TXNRD3: variants seen among roughly 807,000 people sequenced by gnomAD.
The protein encoded by TXNRD3 is TXNRD3 neighbor gene protein.
In TXNRD3, 68 loss-of-function variants were observed where a neutral mutation model predicts 78.2. The ratio of observed to expected loss-of-function variants is 0.87; its 90% CI spans 0.72 to 1.06. TXNRD3 has a LOEUF of 1.06. TXNRD3 is among the 50% of genes least tolerant of loss of function. The pLI is 0.00. For synonymous variants in TXNRD3, 296 were observed against 300.1 expected, an observed-to-expected ratio of 0.99 and a Z score of 0.14; for missense variants, 751 against 809.5, an observed-to-expected ratio of 0.93 and a Z score of 0.88.
chr3:126,629,524 TAC>T, intron 9 of TXNRD3, 53 bp from the exon 10 acceptor site: 1 of 1,373,674 alleles, frequency 7.3e-7, no homozygotes, highest in Non-Finnish European at 1.0e-6. Flanking sequence ...AAAAAAGAAA[TAC>T]ACGAAAGGGT....
intron 2 of TXNRD3, 33 bp downstream of exon 2, chr3:126,647,203 T>C: frequency 2.1e-6 from 3 of 1,459,470 alleles, no homozygotes; most frequent in Admixed American, 2.1e-5. Context: ...GCATTTATTA[T>C]AAACAACACT....
At chr3:126,615,098 C>G (rs992304333) in intron 13 of TXNRD3, among the ~76,000 whole-genome samples, 29 of 152,172 alleles carry the variant, frequency 1.9e-4, no homozygotes, top group Non-Finnish European at 4.3e-4. Context: ...TACAAGTTTG[C>G]TCAAATAGAT....
In TXNRD3 at chr3:126,621,779, A is replaced by G; in HGVS notation, c.1487T>C (p.Leu496Pro). 2.6e-6 allele frequency: 4 copies of G among 1,529,876 alleles called. No individual in the cohort carries two copies. Among genetic ancestry groups the G allele is most frequent in the Non-Finnish European group, 3.5e-6 (4 of 1,145,224 alleles). The allele number at this position is 1,529,876 out of a possible 1,614,324, so 94.8% of individuals were successfully genotyped here. A position where few individuals can be genotyped will look rare whatever the true frequency, so the allele number is the denominator to read the frequency against. ...GGCCCCAAAAAGTCTCTGAGCTAGC[A>G]GCTTGCCTGACTGTATGGCGACAGG... The change falls in exon 12 of 16, where the codon CTG becomes CCG. Residue 496 changes from leucine (L) to proline (P), a missense_variant. Leu to Pro is a moderately conservative substitution (Grantham distance 98, BLOSUM62 -3). Transcript: ENST00000524230.
chr3:126,616,886 C>T (rs541006864), intron 12 of TXNRD3, among the ~76,000 whole-genome samples: 10 of 152,318 alleles, frequency 6.6e-5, no homozygotes, highest in African/African-American at 2.2e-4. Context: ...TGCCTACCTG[C>T]AAACCATGGG....
chr3:126,634,986 A>G (rs145818854), intron 6 of TXNRD3, among the ~76,000 whole-genome samples: 3 of 152,296 alleles, frequency 2.0e-5, no homozygotes, highest in Non-Finnish European at 4.4e-5. Context: ...TATGATGCCA[A>G]TGTACCAGTC....
At chr3:126,636,934 T>G (rs1052047180) in intron 6 of TXNRD3, among the ~76,000 whole-genome samples, 11 of 152,046 alleles carry the variant, frequency 7.2e-5, no homozygotes, top group African/African-American at 2.7e-4. Context: ...GATTTTTTTT[T>G]TTTTTTAGCT....
rs1052942899 is a variant in TXNRD3 at position 126,645,974 on chromosome 3, T to A, written c.414+137A>T. 13 of 648,224 alleles carry A rather than the reference T, an allele frequency of 2.0e-5. No individual in the cohort carries two copies. The African/African-American group carries it at 2.3e-4, about 11-fold the overall frequency. The allele number at this position is 648,224 out of a possible 1,614,324, so 40.2% of individuals were successfully genotyped here. The stretch of plus-strand genomic sequence containing the variant: ...ATTTCCCTTAAAGCAATCAGTATTA[T>A]CTGATAATTATCCTATATGCTTCAT... On this transcript the variant is annotated intron_variant, in intron 3 of 15. Coordinates refer to ENST00000524230, the MANE Select transcript of TXNRD3 (RefSeq NM_052883.3).
chr3:126,622,225 T>C (rs1938474549), intron 11 of TXNRD3, among the ~76,000 whole-genome samples: 1 of 152,204 alleles, frequency 6.6e-6, no homozygotes, highest in Non-Finnish European at 1.5e-5. Context: ...AGACATTAGG[T>C]AAATATATCT....
intron 13 of TXNRD3, among the ~76,000 whole-genome samples, chr3:126,611,779 G>A (rs1938203348): frequency 6.6e-6 from 1 of 152,140 alleles, no homozygotes; most frequent in Non-Finnish European, 1.5e-5. Flanking sequence ...CAAACAGGCA[G>A]TTAATGCTGA....
At chr3:126,648,861 T>C (rs759258281) in intron 1 of TXNRD3, among the ~76,000 whole-genome samples, 6 of 152,110 alleles carry the variant, frequency 3.9e-5, no homozygotes, top group South Asian at 2.1e-4. Context: ...TCACAAAAAT[T>C]TGAAACTCTT....
At position 126,647,279 on chromosome 3, in the gene TXNRD3, A is replaced by G. The variant is rs563440720; in HGVS notation, c.261T>C (p.Ser87=). The stretch of plus-strand genomic sequence containing the variant: ...AGACATTACATTCGACTCCCAAAGA[A>G]GAAAAGAGTTCTTTCACCTGTAAAA... The change falls in exon 2 of 16, where the codon TCT becomes TCC. Residue 87 remains serine (S), a synonymous_variant. Coordinates refer to ENST00000524230, the MANE Select transcript of TXNRD3 (RefSeq NM_052883.3). The G allele has an allele frequency of 2.8e-4, 434 of 1,535,734 alleles. No individual in the cohort carries two copies. The highest frequency in any genetic ancestry group is 2.2e-3 in the African/African-American group (163 of 73,164).
chr3:126,650,632 C>T (rs188286991), intron 1 of TXNRD3, among the ~76,000 whole-genome samples: 3 of 151,618 alleles, frequency 2.0e-5, no homozygotes, highest in African/African-American at 7.3e-5. Context: ...CAGAGCAAGA[C>T]CCCATCTCAG....
Position 126,634,067 on chromosome 3 carries a change from C to A in TXNRD3, c.713-16G>T. On this transcript the variant is annotated splice_polypyrimidine_tract_variant and intron_variant, in intron 6 of 15. Coordinates refer to ENST00000524230, the MANE Select transcript of TXNRD3 (RefSeq NM_052883.3). Reference sequence around the variant, plus strand: ...TTGTGCCTCACTAAGAAGAAATAATCAGGGTGAAGATGTTAGGTGAATTTT... The same window carrying A: ...TTGTGCCTCACTAAGAAGAAATAATAAGGGTGAAGATGTTAGGTGAATTTT... 6.7e-7 allele frequency: 1 copy of A among 1,488,022 alleles called. No homozygotes were observed. The highest frequency in any genetic ancestry group is 8.9e-7 in the Non-Finnish European group (1 of 1,122,698). 92.2% of individuals were successfully genotyped at this position (1,488,022 alleles called of 1,614,324 possible).
chr3:126,626,105 GA>G (rs1474159269), intron 10 of TXNRD3: 3 of 152,076 alleles, frequency 2.0e-5, no homozygotes, highest in African/African-American at 4.8e-5. Flanking sequence ...TAATTAAAAT[GA>G]ATTCTAATTA....
chr3:126,631,358 G>A lies in TXNRD3; in HGVS notation c.971+406C>T, dbSNP rs141341881. Reference sequence around the variant, plus strand: ...TTGCAAGTCATTACACACATGTCCTGTTTGACCACTAAGGAATATTCCCAT... The same window carrying A: ...TTGCAAGTCATTACACACATGTCCTATTTGACCACTAAGGAATATTCCCAT... On this transcript the variant is annotated intron_variant, in intron 8 of 15. Coordinates refer to ENST00000524230, the MANE Select transcript of TXNRD3 (RefSeq NM_052883.3). 7.9e-5 allele frequency among the ~76,000 whole-genome samples: 12 copies of A among 152,178 alleles called. No homozygotes were observed. The South Asian group carries it at 2.5e-3, about 32-fold the overall frequency.
chr3:126,630,681 A>G (rs115739930), intron 9 of TXNRD3, 31 bp downstream of exon 9: 23,924 of 1,520,038 alleles, frequency 0.016, 238 homozygotes, highest in Middle Eastern at 0.027. Flanking sequence ...AAAGTTAGAG[A>G]AAAAAAATTG....
In TXNRD3 at chr3:126,621,739, T is replaced by C. The variant is rs186273426; in HGVS notation, c.1524+3A>G. On this transcript the variant is annotated splice_donor_region_variant and intron_variant, in intron 12 of 15. Transcript: ENST00000524230. The stretch of plus-strand genomic sequence containing the variant: ...ATTATCTCAAAAACAGTAAGAAACT[T>C]ACCTTTTCTAAAGAGGCCCCAAAAA... 3 of 1,498,368 alleles carry C rather than the reference T, an allele frequency of 2.0e-6. No individual in the cohort carries two copies. In the Admixed American group the frequency reaches 7.5e-5, roughly 37 times the overall value. The allele number at this position is 1,498,368 out of a possible 1,614,324, so 92.8% of individuals were successfully genotyped here.
chr3:126,628,911 T>C (rs755323574), intron 10 of TXNRD3, among the ~76,000 whole-genome samples: 79 of 152,244 alleles, frequency 5.2e-4, no homozygotes, highest in Non-Finnish European at 9.6e-4. Flanking sequence ...AAAACATAAA[T>C]GTATAGTTTC....
At chr3:126,622,655 C>G in intron 10 of TXNRD3, 115 bp from the exon 11 acceptor site, 1 of 752,184 alleles carries the variant, frequency 1.3e-6, no homozygotes, top group Middle Eastern at 2.7e-4. Flanking sequence ...TACAAACAAT[C>G]TATGCCAATA....
Sources: gnomAD v4.1 joint callset for allele counts (sites outside exome capture counted in the v4.1 genomes callset) on GRCh38, gnomAD v4.1.1 for gene constraint, MANE v1.5 for transcripts, NCBI Gene and HGNC (gene_info 2026-07-23, HGNC 2026-07-21) for gene names.